The following ZNF385B variants were observed in gnomAD, a reference collection of about 807,000 sequenced individuals.
ZNF385B encodes zinc finger protein 385B, also known as zinc finger protein 533.
ZNF385B carries 23 observed loss-of-function variants against 39.2 expected under a neutral mutation model. The observed-to-expected ratio is 0.59, with a 90% CI of 0.42 to 0.83. The LOEUF (loss-of-function observed/expected upper bound fraction) is 0.83. Among genes scored for constraint, ZNF385B ranks in the 40% least tolerant of loss-of-function variants. The probability of loss-of-function intolerance (pLI) is 0.00; values close to 1 mark genes in which losing one functional copy is unlikely to be tolerated. For missense variants in ZNF385B, 552 were observed against 598.9 expected, an observed-to-expected ratio of 0.92 and a Z score of 0.82; for synonymous variants, 205 against 222.6, an observed-to-expected ratio of 0.92 and a Z score of 0.70.
intron 1 of ZNF385B, among the ~76,000 whole-genome samples, chr2:179,849,124 A>AAT (rs1402886593): frequency 6.6e-6 from 1 of 152,140 alleles, no homozygotes; most frequent in Non-Finnish European, 1.5e-5. Context: ...GATCACAAAG[A>AAT]ATACAGTCTT....
chr2:179,735,580 C>T (rs1411594059), intron 3 of ZNF385B, among the ~76,000 whole-genome samples: 1 of 143,052 alleles, frequency 7.0e-6, no homozygotes, highest in African/African-American at 2.6e-5. Context: ...GACACATGCA[C>T]ACGTATGTTT....
chr2:179,558,676 A>G (rs145553175), intron 3 of ZNF385B, among the ~76,000 whole-genome samples: 111 of 152,298 alleles, frequency 7.3e-4, no homozygotes, highest in Non-Finnish European at 1.0e-3. Flanking sequence ...CCCTTTTTGC[A>G]TATGTATCCC....
chr2:179,579,562 G>A (rs748332325), intron 3 of ZNF385B, among the ~76,000 whole-genome samples: 19 of 152,050 alleles, frequency 1.2e-4, no homozygotes, highest in African/African-American at 4.3e-4. Context: ...AAATAAATGT[G>A]CACAAATGTT....
chr2:179,836,774 T>A (rs1708278138), intron 1 of ZNF385B, among the ~76,000 whole-genome samples: 2 of 152,058 alleles, frequency 1.3e-5, no homozygotes, highest in African/African-American at 2.4e-5. Context: ...CGCCTCGGCC[T>A]CCCAAAGTGC....
chr2:179,628,587 T>G (rs958620604), intron 3 of ZNF385B, among the ~76,000 whole-genome samples: 5 of 152,228 alleles, frequency 3.3e-5, no homozygotes, highest in Non-Finnish European at 1.5e-5. Context: ...TAATTTCTGC[T>G]GTCTTTCTTT....
chr2:179,636,474 T>C (rs150154758), intron 3 of ZNF385B, among the ~76,000 whole-genome samples: 2 of 152,210 alleles, frequency 1.3e-5, no homozygotes, highest in East Asian at 3.9e-4. Context: ...TGAGGAAAAG[T>C]GAGATGAAGG....
rs1426303178 is a variant in ZNF385B at position 179,769,723 on chromosome 2, T to C, written c.78A>G (p.Glu26=). Residue 26 remains glutamate (E), a synonymous_variant, in exon 3 of 10, where the codon GAA becomes GAG. Coordinates refer to ENST00000410066, the MANE Select transcript of ZNF385B (RefSeq NM_152520.6). ...GCCTGTCGTTCTTTATCCCCTTTTC[T>C]TCAAAGCCCCGTAGAAAATTTGCCA... The part of the protein sequence containing the change: ...MNMANFLRGF[E]EKGIKNDRPE... 6.2e-7 allele frequency: 1 copy of C among 1,614,158 alleles called. No individual in the cohort carries two copies. The highest frequency in any genetic ancestry group is 8.5e-7 in the Non-Finnish European group (1 of 1,180,026).
chr2:179,607,905 ACT>A (rs1275450115), intron 3 of ZNF385B, among the ~76,000 whole-genome samples: 2 of 125,714 alleles, frequency 1.6e-5, no homozygotes, highest in African/African-American at 6.1e-5. Context: ...CTTCTCAGAA[ACT>A]CTTTTTTTTT....
At chr2:179,703,964 C>G (rs1476929269) in intron 3 of ZNF385B, among the ~76,000 whole-genome samples, 2 of 152,168 alleles carry the variant, frequency 1.3e-5, no homozygotes, top group South Asian at 2.1e-4. Context: ...GATAAATGAC[C>G]TTTTCTGTCA....
chr2:179,493,611 A>ATGTATG (rs2055581677), intron 5 of ZNF385B, among the ~76,000 whole-genome samples: 1 of 132,000 alleles, frequency 7.6e-6, no homozygotes, highest in African/African-American at 2.8e-5. Flanking sequence ...ACATATATGT[A>ATGTATG]CGTACATATA....
chr2:179,756,541 G>A (rs62180373), intron 3 of ZNF385B, among the ~76,000 whole-genome samples: 7,262 of 152,178 alleles, frequency 0.048, 257 homozygotes, highest in Middle Eastern at 0.099. Flanking sequence ...GCTAGGTTGG[G>A]GAAGTTCTCC....
chr2:179,747,718 G>A (rs1362626413), intron 3 of ZNF385B, among the ~76,000 whole-genome samples: 1 of 152,054 alleles, frequency 6.6e-6, no homozygotes, highest in Non-Finnish European at 1.5e-5. Context: ...CTTCGGGCTT[G>A]ATGCATTTCA....
At chr2:179,581,976 T>C (rs1686580583) in intron 3 of ZNF385B, among the ~76,000 whole-genome samples, 1 of 152,182 alleles carries the variant, frequency 6.6e-6, no homozygotes, top group African/African-American at 2.4e-5. Context: ...CACTTTATTA[T>C]TGTGCTCTTG....
intron 1 of ZNF385B, among the ~76,000 whole-genome samples, chr2:179,801,566 T>C (rs1216996393): frequency 6.6e-6 from 1 of 152,200 alleles, no homozygotes; most frequent in Non-Finnish European, 1.5e-5. Context: ...TAGTCATGTC[T>C]ATCTTCAACC....
At chr2:179,613,411 G>C (rs1689460110) in intron 3 of ZNF385B, among the ~76,000 whole-genome samples, 1 of 152,158 alleles carries the variant, frequency 6.6e-6, no homozygotes, top group Admixed American at 6.5e-5. Context: ...AAGGCCCACG[G>C]CAAGTACTAC....
intron 3 of ZNF385B, among the ~76,000 whole-genome samples, chr2:179,741,260 C>T (rs1702069143): frequency 6.6e-6 from 1 of 152,106 alleles, no homozygotes; most frequent in Non-Finnish European, 1.5e-5. Context: ...TGCAGGTTCT[C>T]CTAACACCAC....
intron 3 of ZNF385B, among the ~76,000 whole-genome samples, chr2:179,648,376 G>A (rs1227800292): frequency 6.6e-6 from 1 of 152,104 alleles, no homozygotes; most frequent in Non-Finnish European, 1.5e-5. Flanking sequence ...TAGGGAAAGG[G>A]AGAAAATAAG....
chr2:179,775,042 G>A (rs1704233382), intron 1 of ZNF385B, among the ~76,000 whole-genome samples: 1 of 152,182 alleles, frequency 6.6e-6, no homozygotes, highest in African/African-American at 2.4e-5. Context: ...ATGTTGAAAT[G>A]CCTTGTACTG....
At chr2:179,729,146 A>AC (rs1168588683) in intron 3 of ZNF385B, among the ~76,000 whole-genome samples, 4 of 148,394 alleles carry the variant, frequency 2.7e-5, no homozygotes, top group African/African-American at 9.8e-5. Flanking sequence ...AAAAAAAAAA[A>AC]ACCAAGGAAA....
Sources: allele counts gnomAD v4.1 joint callset (sites outside exome capture counted in the v4.1 genomes callset), GRCh38; gene constraint gnomAD v4.1.1; transcripts MANE v1.5; gene names NCBI Gene and HGNC (gene_info 2026-07-23, HGNC 2026-07-21).